SNRPA1: variants seen among roughly 807,000 people sequenced by gnomAD.
SNRPA1 encodes the protein small nuclear ribonucleoprotein polypeptide A'.
In SNRPA1, 5 loss-of-function variants were observed where a neutral mutation model predicts 32.3. The ratio of observed to expected loss-of-function variants is 0.15; its 90% CI spans 0.08 to 0.33. SNRPA1 has a LOEUF of 0.33. SNRPA1 is among the 10% of genes least tolerant of loss of function. SNRPA1 has a pLI of 1.00. For synonymous variants in SNRPA1, 111 were observed against 120.1 expected, an observed-to-expected ratio of 0.92 and a Z score of 0.50; for missense variants, 198 against 311.1, an observed-to-expected ratio of 0.64 and a Z score of 2.74.
intron 4 of SNRPA1, 123 bp from the exon 5 acceptor site, chr15:101,287,133 T>C: frequency 5.6e-6 from 3 of 538,164 alleles, no homozygotes; most frequent in Non-Finnish European, 6.7e-6. Context: ...ATTGCAACAT[T>C]GTAACAATTT....
At position 101,285,749 on chromosome 15, in the gene SNRPA1, G is replaced by A. The variant is rs772297229; in HGVS notation, c.592C>T (p.Pro198Ser). ...ACCTTGATTGCTTCTACATCCCCTG[G>A]AGATGGCCCACCTTTCTTTTTGTCA... ...PTDKKKGGPS[P>S]GDVEAIKNAI... is the part of the protein sequence containing the mutation. Residue 198 changes from proline (P) to serine (S), a missense_variant, in exon 7 of 9, where the codon CCA (proline) becomes TCA (serine). Coordinates refer to ENST00000254193, the MANE Select transcript of SNRPA1 (RefSeq NM_003090.4). The A allele has an allele frequency of 3.7e-6, 6 of 1,613,718 alleles. No homozygotes were observed. The South Asian group carries it at 6.6e-5, about 18-fold the overall frequency.
At chr15:101,285,377 G>A (rs1286456306) in intron 7 of SNRPA1, among the ~76,000 whole-genome samples, 10 of 152,150 alleles carry the variant, frequency 6.6e-5, no homozygotes, top group Non-Finnish European at 8.8e-5. Flanking sequence ...ATTATAAAAC[G>A]AGGGTCCCTA....
intron 3 of SNRPA1, among the ~76,000 whole-genome samples, chr15:101,290,225 G>A (rs1596472067): frequency 6.6e-6 from 1 of 152,184 alleles, no homozygotes; most frequent in East Asian, 1.9e-4. Context: ...CAGAACTTCA[G>A]GGATAGTCAA....
chr15:101,281,619 A>G lies in SNRPA1; in HGVS notation c.*105T>C. 5.0e-6 allele frequency: 4 copies of G among 797,598 alleles called. No individual in the cohort carries two copies. The highest frequency in any genetic ancestry group is 4.4e-5 in the South Asian group (3 of 68,558). The allele number at this position is 797,598 out of a possible 1,614,324, so 49.4% of individuals were successfully genotyped here. A position where few individuals can be genotyped will look rare whatever the true frequency, so the allele number is the denominator to read the frequency against. On this transcript the variant is annotated 3_prime_UTR_variant, in exon 9 of 9. Transcript: ENST00000254193. ...AGCAGCAGTCTTAAGCATTTCAACA[A>G]TGCTGATAGATTCCACTTTGCTAAC...
At chr15:101,285,895 G>A (rs893613133) in intron 6 of SNRPA1, 94 bp from the exon 7 acceptor site, 20 of 904,978 alleles carry the variant, frequency 2.2e-5, no homozygotes, top group Middle Eastern at 6.6e-4. Context: ...TTCAACCAGT[G>A]TAGTATCTTA....
At chr15:101,282,782 A>G (rs1271777576) in intron 8 of SNRPA1, among the ~76,000 whole-genome samples, 1 of 152,230 alleles carries the variant, frequency 6.6e-6, no homozygotes, top group African/African-American at 2.4e-5. Flanking sequence ...TCCCCAGAAA[A>G]GTCTTAAAGT....
In SNRPA1 at chr15:101,292,427, A is replaced by AT. The variant is rs150241741; in HGVS notation, c.231-388dup. 6.0e-3 allele frequency among the ~76,000 whole-genome samples: 910 copies of AT among 152,358 alleles called. 7 individuals carry two copies. The highest frequency in any genetic ancestry group is 0.021 in the African/African-American group (867 of 41,578). On this transcript the variant is annotated intron_variant, in intron 2 of 8. Coordinates refer to ENST00000254193, the MANE Select transcript of SNRPA1 (RefSeq NM_003090.4). ...TAGGGGAATGGTTAACCTATGAGAAATATTTCTATCTGAAGGAAATCCCAC... is the reference window on the plus strand; with the variant it reads ...TAGGGGAATGGTTAACCTATGAGAAATTATTTCTATCTGAAGGAAATCCCAC...
intron 4 of SNRPA1, 32 bp from the exon 5 acceptor site, chr15:101,287,042 T>C (rs1017454173): frequency 8.3e-7 from 1 of 1,203,816 alleles, no homozygotes; most frequent in African/African-American, 1.5e-5. Flanking sequence ...AATGGCAAAC[T>C]TGTTCATGGC....
intron 1 of SNRPA1, among the ~76,000 whole-genome samples, chr15:101,294,328 C>T (rs2039562442): frequency 6.6e-6 from 1 of 152,216 alleles, no homozygotes; most frequent in Admixed American, 6.5e-5. Context: ...GGCCATAGGT[C>T]CCCATGGGAA....
intron 3 of SNRPA1, chr15:101,288,448 C>G (rs565975238): frequency 6.6e-6 from 1 of 152,092 alleles, no homozygotes; most frequent in Non-Finnish European, 1.5e-5. Context: ...CGGGGTTTCA[C>G]TGTATTAGCC....
rs1259552913 is a variant in SNRPA1 at position 101,287,715 on chromosome 15, A to G, written c.310-13T>C. 3.7e-6 allele frequency: 6 copies of G among 1,613,150 alleles called. No individual in the cohort carries two copies. The African/African-American group carries it at 6.7e-5, about 18-fold the overall frequency. On this transcript the variant is annotated splice_polypyrimidine_tract_variant and intron_variant, in intron 3 of 8. Transcript: ENST00000254193. ...GGTCCAGATCACCCTGTCAAGCAAT[A>G]GCCACAGGTAAGAACGCGAATACCA...
rs2039445977 is a variant in SNRPA1, at chr15:101,285,598, A to C, written c.615+128T>G. On this transcript the variant is annotated intron_variant, in intron 7 of 8. Transcript: ENST00000254193. ...TTATGCTAGTTTTTCCTTAAACAGA[A>C]ATATTGCTGTATGCTAATAACTGTG... The C allele has an allele frequency of 7.7e-6, 5 of 651,964 alleles. No individual in the cohort carries two copies. In the South Asian group the frequency reaches 9.5e-5, roughly 12 times the overall value. 40.4% of individuals were successfully genotyped at this position (651,964 alleles called of 1,614,324 possible).
rs1191103256 is a variant in SNRPA1, at chr15:101,292,905, G to A, written c.230+120C>T. Reference sequence around the variant, plus strand: ...ATTTTTTCAAAATATAAATAAAAAAGAAAAAGAAAAAGAAAAAGAAACATG... The same window carrying A: ...ATTTTTTCAAAATATAAATAAAAAAAAAAAAGAAAAAGAAAAAGAAACATG... On this transcript the variant is annotated intron_variant, in intron 2 of 8. Transcript: ENST00000254193. The A allele has an allele frequency of 1.7e-5, 9 of 534,256 alleles. No homozygotes were observed. The Admixed American group carries it at 2.1e-4, about 12-fold the overall frequency. The allele number at this position is 534,256 out of a possible 1,614,324, so 33.1% of individuals were successfully genotyped here.
At chr15:101,294,527 C>T (rs1313227767) in intron 1 of SNRPA1, among the ~76,000 whole-genome samples, 1 of 152,182 alleles carries the variant, frequency 6.6e-6, no homozygotes, top group Non-Finnish European at 1.5e-5. Context: ...ACACAGCACC[C>T]GGCGGTGCAA....
At chr15:101,291,807 C>T (rs149543220) in intron 3 of SNRPA1, among the ~76,000 whole-genome samples, 155 bp downstream of exon 3, 17 of 152,268 alleles carry the variant, frequency 1.1e-4, no homozygotes, top group South Asian at 6.2e-4. Flanking sequence ...TTGCAACATA[C>T]GGCTGCAGAA....
At chr15:101,294,213 G>C (rs1483876553) in intron 1 of SNRPA1, among the ~76,000 whole-genome samples, 1 of 152,240 alleles carries the variant, frequency 6.6e-6, no homozygotes. Context: ...TCCAGCTGGG[G>C]CGGAAAGAGC....
intron 7 of SNRPA1, 69 bp from the exon 8 acceptor site, chr15:101,285,129 G>A (rs1419621060): frequency 1.9e-6 from 2 of 1,078,970 alleles, no homozygotes; most frequent in East Asian, 4.8e-5. Flanking sequence ...AGAAAACTAA[G>A]TGTCAATCAC....
intron 8 of SNRPA1, among the ~76,000 whole-genome samples, chr15:101,282,064 A>T (rs2039401390): frequency 6.6e-6 from 1 of 152,226 alleles, no homozygotes; most frequent in African/African-American, 2.4e-5. Flanking sequence ...GGTGAAGGTA[A>T]AGCCTATACT....
intron 7 of SNRPA1, 45 bp from the exon 8 acceptor site, chr15:101,285,105 AG>A (rs1260340952): frequency 7.4e-7 from 1 of 1,353,044 alleles, no homozygotes; most frequent in East Asian, 2.3e-5. Context: ...ACTTCAACCA[AG>A]TATCAGCTAC....
Sources: allele counts gnomAD v4.1 joint callset (sites outside exome capture counted in the v4.1 genomes callset), GRCh38; gene constraint gnomAD v4.1.1; transcripts MANE v1.5; gene names NCBI Gene and HGNC (gene_info 2026-07-23, HGNC 2026-07-21).